KCNIP4: variants seen among roughly 807,000 people sequenced by gnomAD.
KCNIP4 encodes potassium voltage-gated channel interacting protein 4, also known as Kv channel-interacting protein 4.
In KCNIP4, 12 loss-of-function variants were observed where a neutral mutation model predicts 34.0. That is an observed-to-expected ratio of 0.35 (90% CI 0.23 to 0.57). The LOEUF is 0.57. KCNIP4 is among the 20% of genes least tolerant of loss of function. The probability of loss-of-function intolerance (pLI) is 0.83; values close to 1 mark genes in which losing one functional copy is unlikely to be tolerated. For missense variants in KCNIP4, 238 were observed against 311.7 expected (o/e 0.76, Z 1.78); for synonymous variants, 124 against 102.2 (o/e 1.21, Z -1.29).
chr4:21,151,184 CAT>C (rs1752723312), intron 1 of KCNIP4, among the ~76,000 whole-genome samples: 1 of 152,084 alleles, frequency 6.6e-6, no homozygotes, highest in Admixed American at 6.6e-5. Flanking sequence ...TGTAGCTTGT[CAT>C]AGGAGGTGGA....
chr4:20,749,155 C>CT (rs751106874), intron 5 of KCNIP4, among the ~76,000 whole-genome samples: 46,169 of 128,876 alleles, frequency 0.36, 7,666 homozygotes, highest in African/African-American at 0.46. Context: ...GAGACTCTTT[C>CT]AAAAAAAAAA....
chr4:20,852,899 T>C (rs115888845), intron 2 of KCNIP4, among the ~76,000 whole-genome samples: 16,311 of 152,132 alleles, frequency 0.11, 950 homozygotes, highest in Middle Eastern at 0.14. Flanking sequence ...ATAAAATACT[T>C]AGGAATATAC....
At chr4:21,041,921 C>G (rs1404307175) in intron 1 of KCNIP4, among the ~76,000 whole-genome samples, 1 of 152,200 alleles carries the variant, frequency 6.6e-6, no homozygotes, top group East Asian at 1.9e-4. Context: ...AGCCCTGCCA[C>G]TTGCTGCTGT....
At chr4:21,023,890 C>A (rs540009856) in intron 1 of KCNIP4, among the ~76,000 whole-genome samples, 2 of 151,550 alleles carry the variant, frequency 1.3e-5, no homozygotes, top group South Asian at 2.1e-4. Flanking sequence ...TGAAAAAAAA[C>A]GAAAAAAGAA....
chr4:21,874,426 G>T (rs1393758620), intron 1 of KCNIP4, among the ~76,000 whole-genome samples: 1 of 152,188 alleles, frequency 6.6e-6, no homozygotes, highest in Non-Finnish European at 1.5e-5. Context: ...CTGGCTTTCA[G>T]CTGGTTTGGG....
Position 21,718,032 on chromosome 4 carries a change from A to G in KCNIP4, c.61+230539T>C, listed in dbSNP as rs191089506. Among the ~76,000 whole-genome samples, 1,045 of 152,312 alleles carry G rather than the reference A, an allele frequency of 6.9e-3. 7 individuals carry two copies. Among genetic ancestry groups the G allele is most frequent in the Non-Finnish European group, 0.011 (741 of 68,018 alleles). ...AAAGTAAGAGAAAGCAATTTAACAAAGGGGCAAAAATAAAAAACCATACAT... is the reference window on the plus strand; with the variant it reads ...AAAGTAAGAGAAAGCAATTTAACAAGGGGGCAAAAATAAAAAACCATACAT... On this transcript the variant is annotated intron_variant, in intron 1 of 8. Transcript: ENST00000382152.
chr4:21,215,954 C>T (rs957260379), intron 1 of KCNIP4, among the ~76,000 whole-genome samples: 2 of 151,948 alleles, frequency 1.3e-5, no homozygotes, highest in Non-Finnish European at 2.9e-5. Flanking sequence ...TAGCTGGGAC[C>T]ACAGGCATGT....
At chr4:21,738,539 G>T (rs943332845) in intron 1 of KCNIP4, among the ~76,000 whole-genome samples, 1 of 152,152 alleles carries the variant, frequency 6.6e-6, no homozygotes, top group Non-Finnish European at 1.5e-5. Context: ...ATTGCTCAGG[G>T]CTTGTGTTAC....
Position 20,734,622 on chromosome 4 carries a change from C to T in KCNIP4, c.537+6G>A. 3 of 1,322,060 alleles carry T rather than the reference C, an allele frequency of 2.3e-6. No individual in the cohort carries two copies. The Admixed American group carries it at 6.6e-5, about 29-fold the overall frequency. The allele number at this position is 1,322,060 out of a possible 1,614,324, so 81.9% of individuals were successfully genotyped here. On this transcript the variant is annotated splice_donor_region_variant and intron_variant, in intron 6 of 8. Coordinates refer to ENST00000382152, the MANE Select transcript of KCNIP4 (RefSeq NM_025221.6). ...ATTACTGTGATGTTGGTGAGGCATC[C>T]CTTACCTCTTTAGTGATGTAGCCAT...
chr4:21,176,770 C>T (rs530739050), intron 1 of KCNIP4, among the ~76,000 whole-genome samples: 2 of 152,206 alleles, frequency 1.3e-5, no homozygotes, highest in Non-Finnish European at 2.9e-5. Context: ...ACCCACCCAC[C>T]TCGGCCTCCC....
chr4:21,118,534 G>A (rs989005378), intron 1 of KCNIP4, among the ~76,000 whole-genome samples: 1 of 152,136 alleles, frequency 6.6e-6, no homozygotes, highest in Non-Finnish European at 1.5e-5. Flanking sequence ...CTGCCTTTGA[G>A]TCTTTGCCAA....
At chr4:21,149,005 G>A (rs913779587) in intron 1 of KCNIP4, among the ~76,000 whole-genome samples, 6 of 152,114 alleles carry the variant, frequency 3.9e-5, no homozygotes, top group Non-Finnish European at 5.9e-5. Context: ...AGCTTTATTT[G>A]AACCAAAATA....
At chr4:21,471,228 A>G (rs755209073) in intron 1 of KCNIP4, among the ~76,000 whole-genome samples, 4 of 152,148 alleles carry the variant, frequency 2.6e-5, no homozygotes, top group Non-Finnish European at 4.4e-5. Flanking sequence ...GGAATTGAGG[A>G]AAAACTTTTG....
At chr4:21,280,230 C>A (rs1385096499) in intron 1 of KCNIP4, among the ~76,000 whole-genome samples, 1 of 152,132 alleles carries the variant, frequency 6.6e-6, no homozygotes, top group Non-Finnish European at 1.5e-5. Flanking sequence ...CTATGTAATG[C>A]ACCCCATTCC....
intron 1 of KCNIP4, among the ~76,000 whole-genome samples, chr4:21,529,837 A>G (rs1214625003): frequency 6.6e-6 from 1 of 152,178 alleles, no homozygotes; most frequent in East Asian, 1.9e-4. Context: ...CTTAACATGA[A>G]ATACATCATG....
intron 1 of KCNIP4, among the ~76,000 whole-genome samples, chr4:21,899,033 T>G (rs757934626): frequency 3.3e-5 from 5 of 152,174 alleles, no homozygotes; most frequent in Non-Finnish European, 7.3e-5. Context: ...GAATTTGTAT[T>G]GTGATTTGTG....
At chr4:21,391,743 CA>C (rs1722578805) in intron 1 of KCNIP4, among the ~76,000 whole-genome samples, 1 of 152,184 alleles carries the variant, frequency 6.6e-6, no homozygotes. Context: ...ACGGGCAGCT[CA>C]AAAGTCTTCA....
At chr4:21,434,965 G>T (rs957725582) in intron 1 of KCNIP4, among the ~76,000 whole-genome samples, 6 of 152,116 alleles carry the variant, frequency 3.9e-5, no homozygotes, top group African/African-American at 1.2e-4. Context: ...ACTTCATAGA[G>T]TTGTTGAGGG....
At chr4:21,636,301 GA>G (rs555744187) in intron 1 of KCNIP4, among the ~76,000 whole-genome samples, 5,824 of 138,038 alleles carry the variant, frequency 0.042, 316 homozygotes, top group African/African-American at 0.13. Context: ...AAAAAAAAAG[GA>G]AAAAAAAAAA....
Sources: allele counts gnomAD v4.1 joint callset (sites outside exome capture counted in the v4.1 genomes callset), GRCh38; gene constraint gnomAD v4.1.1; transcripts MANE v1.5; gene names NCBI Gene and HGNC (gene_info 2026-07-23, HGNC 2026-07-21).